The following PRPF6 variants were observed in gnomAD, a reference collection of about 807,000 sequenced individuals.
PRPF6 encodes the protein pre-mRNA-processing factor 6.
Under a neutral mutation model 118.3 loss-of-function variants are expected in PRPF6, and 42 were observed. That is an observed-to-expected ratio of 0.35 (90% CI 0.28 to 0.46). The LOEUF (loss-of-function observed/expected upper bound fraction) is 0.46, where lower values mean the gene tolerates loss of function less well. Among genes scored for constraint, PRPF6 ranks in the 20% least tolerant of loss-of-function variants. The pLI, the probability that PRPF6 is intolerant of heterozygous loss-of-function variation, is 1.00. For missense variants in PRPF6, 662 were observed against 1,255.7 expected, an observed-to-expected ratio of 0.53 and a Z score of 7.15; for synonymous variants, 481 against 485.1, an observed-to-expected ratio of 0.99 and a Z score of 0.11.
At chr20:64,005,077 A>T (rs1342200727) in intron 9 of PRPF6, among the ~76,000 whole-genome samples, 5 of 152,120 alleles carry the variant, frequency 3.3e-5, no homozygotes, top group African/African-American at 1.2e-4. Flanking sequence ...TTCTAGGCCA[A>T]CTTCAGGGGT....
intron 3 of PRPF6, among the ~76,000 whole-genome samples, chr20:63,985,938 AAG>A (rs1397097489): frequency 6.6e-6 from 1 of 152,210 alleles, no homozygotes; most frequent in African/African-American, 2.4e-5. Flanking sequence ...AAACCAGACA[AAG>A]ACACACTGAA....
intron 20 of PRPF6, among the ~76,000 whole-genome samples, chr20:64,032,450 C>T (rs1005801707): frequency 3.3e-5 from 5 of 152,230 alleles, no homozygotes; most frequent in Non-Finnish European, 7.3e-5. Context: ...CCACCCGCCC[C>T]GCTAGAGCCA....
rs751883732 is a variant in PRPF6 at position 64,029,525 on chromosome 20, G to A, written c.2546+34G>A. On this transcript the variant is annotated intron_variant, in intron 19 of 20. Coordinates refer to ENST00000266079, the MANE Select transcript of PRPF6 (RefSeq NM_012469.4). This position sits in a 1 kb window ranked among gnomAD's most constrained non-coding sequence, Gnocchi z 4.8. ...GGCCCCCACAGGATTGCTGAACCTCGGGGTCCTAATGGGCTCTTTTTCCAG... is the reference window on the plus strand; with the variant it reads ...GGCCCCCACAGGATTGCTGAACCTCAGGGTCCTAATGGGCTCTTTTTCCAG... The A allele has an allele frequency of 1.2e-5, 19 of 1,568,206 alleles. No individual in the cohort carries two copies. The highest frequency in any genetic ancestry group is 5.4e-5 in the African/African-American group (4 of 73,934).
chr20:64,001,023 G>A (rs1420322360), intron 8 of PRPF6, 54 bp from the exon 9 acceptor site: 2 of 1,587,210 alleles, frequency 1.3e-6, no homozygotes, highest in East Asian at 2.2e-5. Context: ...CTGCTGCCCT[G>A]TTGCGGCTTC....
chr20:64,009,794 C>T (rs531452126), intron 9 of PRPF6, among the ~76,000 whole-genome samples: 26 of 152,358 alleles, frequency 1.7e-4, no homozygotes, highest in Non-Finnish European at 2.8e-4. Flanking sequence ...ATACTATCCC[C>T]ATTCGTTGGC....
At chr20:63,995,649 A>C (rs1423241826) in intron 6 of PRPF6, among the ~76,000 whole-genome samples, 167 bp downstream of exon 6, 3 of 135,408 alleles carry the variant, frequency 2.2e-5, no homozygotes, top group African/African-American at 8.4e-5. Flanking sequence ...TTGCCTGAAT[A>C]ATTCCGCAGA....
intron 11 of PRPF6, among the ~76,000 whole-genome samples, chr20:64,014,914 G>A (rs1361189041): frequency 5.3e-5 from 8 of 152,128 alleles, no homozygotes; most frequent in African/African-American, 9.7e-5. Flanking sequence ...TGCATCGTCC[G>A]ACACCGTGAG....
Position 64,028,610 on chromosome 20 carries a change from T to G in PRPF6, c.2431+41T>G, listed in dbSNP as rs1433191053. 6.2e-7 allele frequency: 1 copy of G among 1,600,870 alleles called. No individual in the cohort carries two copies. Among genetic ancestry groups the G allele is most frequent in the Admixed American group, 1.7e-5 (1 of 59,766 alleles). On this transcript the variant is annotated intron_variant, in intron 18 of 20. Transcript: ENST00000266079. This position sits in a 1 kb window ranked among gnomAD's most constrained non-coding sequence, Gnocchi z 6.5. ...GACTCCGGTAAGGGGGTGCCCTGACTCCGGTAAGGGGGTGCCTTGACTCCG... is the reference window on the plus strand; with the variant it reads ...GACTCCGGTAAGGGGGTGCCCTGACGCCGGTAAGGGGGTGCCTTGACTCCG...
At position 64,031,899 on chromosome 20, in the gene PRPF6, C is replaced by T. The variant is rs374806327; in HGVS notation, c.2547-19C>T. The T allele has an allele frequency of 4.3e-5, 69 of 1,613,850 alleles. No homozygotes were observed. The highest frequency in any genetic ancestry group is 1.4e-4 in the South Asian group (13 of 91,080). ...CCTGCAGCCACTCACTCTGGGTTCA[C>T]GTCCTTCTGCTGGAACAGGCTGTTT... On this transcript the variant is annotated intron_variant, in intron 19 of 20. Coordinates refer to ENST00000266079, the MANE Select transcript of PRPF6 (RefSeq NM_012469.4).
At position 63,999,759 on chromosome 20, in the gene PRPF6, G is replaced by A; in HGVS notation, c.1023G>A (p.Lys341=). The change falls in exon 8 of 21, where the codon AAG becomes AAA. Residue 341 remains lysine, a splice_region_variant and synonymous_variant. Coordinates refer to ENST00000266079, the MANE Select transcript of PRPF6 (RefSeq NM_012469.4). ...LIMKGTEMCP[K]SEDVWLEAAR... is the part of the protein sequence containing the mutation. ...TGAAGGGGACGGAGATGTGCCCCAA[G>A]GTGAGGTATTTCCTGGGAGGCGTTT... The A allele has an allele frequency of 6.2e-7, 1 of 1,614,100 alleles. No individual in the cohort carries two copies.
chr20:63,999,220 C>A, intron 7 of PRPF6, 81 bp downstream of exon 7: 1 of 1,155,204 alleles, frequency 8.7e-7, no homozygotes, highest in Non-Finnish European at 1.3e-6. Context: ...GGACAGTATG[C>A]TGTCAAAATG....
chr20:64,022,462 C>T (rs1254532753), intron 12 of PRPF6, among the ~76,000 whole-genome samples: 1 of 152,156 alleles, frequency 6.6e-6, no homozygotes, highest in Non-Finnish European at 1.5e-5. Context: ...CGCATGCCAC[C>T]ACGTCTGGTT....
intron 12 of PRPF6, among the ~76,000 whole-genome samples, chr20:64,022,291 C>A (rs932099446): frequency 2.0e-5 from 3 of 152,144 alleles, no homozygotes; most frequent in Non-Finnish European, 4.4e-5. Context: ...GTTTCCCAGT[C>A]CTGGATTGTG....
At chr20:63,998,314 C>T (rs930401129) in intron 6 of PRPF6, among the ~76,000 whole-genome samples, 48 of 150,096 alleles carry the variant, frequency 3.2e-4, no homozygotes, top group Admixed American at 1.9e-3. Flanking sequence ...AGGCTGGTCT[C>T]GAACTCCTGA....
rs967854386 is a variant in PRPF6 at position 64,028,594 on chromosome 20, A to G, written c.2431+25A>G. 2.5e-6 allele frequency: 4 copies of G among 1,607,596 alleles called. No individual in the cohort carries two copies. In the Admixed American group the frequency reaches 6.7e-5, roughly 27 times the overall value. ...GGTAAGGGGGTGCCCCGACTCCGGT[A>G]AGGGGGTGCCCTGACTCCGGTAAGG... On this transcript the variant is annotated intron_variant, in intron 18 of 20. Transcript: ENST00000266079. This position sits in a 1 kb window ranked among gnomAD's most constrained non-coding sequence, Gnocchi z 6.5.
At chr20:63,988,382 A>G (rs1404814706) in intron 3 of PRPF6, among the ~76,000 whole-genome samples, 3 of 151,838 alleles carry the variant, frequency 2.0e-5, no homozygotes, top group Non-Finnish European at 2.9e-5. Flanking sequence ...CTGTAGTCCC[A>G]GCTAGTTGGG....
chr20:64,006,980 C>G (rs915876212), intron 9 of PRPF6, among the ~76,000 whole-genome samples: 1 of 152,234 alleles, frequency 6.6e-6, no homozygotes, highest in East Asian at 1.9e-4. Context: ...CAGAACCATG[C>G]GTAAACCACA....
intron 11 of PRPF6, among the ~76,000 whole-genome samples, chr20:64,013,427 CCTTTCTTCTTCTTT>C (rs1417428973): frequency 2.0e-5 from 3 of 151,696 alleles, no homozygotes; most frequent in Non-Finnish European, 4.4e-5. Context: ...TTCCTTCCTT[CCTTTCTTCTTCTTT>C]CTTTCTTTCC....
At position 64,029,373 on chromosome 20, in the gene PRPF6, A is replaced by T; in HGVS notation, c.2432-4A>T. The T allele has an allele frequency of 6.2e-7, 1 of 1,612,856 alleles. No individual in the cohort carries two copies. The highest frequency in any genetic ancestry group is 1.1e-5 in the South Asian group (1 of 91,066). ...AATCTTTGTTCTTTGTTTCTGAATT[A>T]TAGGTATCCTGTGGTCTGAGGCCAT... On this transcript the variant is annotated splice_region_variant and splice_polypyrimidine_tract_variant and intron_variant, in intron 18 of 20. Coordinates refer to ENST00000266079, the MANE Select transcript of PRPF6 (RefSeq NM_012469.4). The surrounding 1 kb of genome is among the most constrained non-coding windows in gnomAD (Gnocchi z 4.8).
Sources: gnomAD v4.1 joint callset for allele counts (sites outside exome capture counted in the v4.1 genomes callset) on GRCh38, gnomAD v4.1.1 for gene constraint, Gnocchi (gnomAD v3.1) non-coding constraint, MANE v1.5 for transcripts, NCBI Gene and HGNC (gene_info 2026-07-23, HGNC 2026-07-21) for gene names.